The following PCCA variants were observed in gnomAD, a reference collection of about 807,000 sequenced individuals.
The protein encoded by PCCA is propionyl-CoA carboxylase alpha chain, mitochondrial.
PCCA carries 74 observed loss-of-function variants against 101.3 expected under a neutral mutation model. The ratio of observed to expected loss-of-function variants is 0.73; its 90% CI spans 0.61 to 0.89. PCCA has a LOEUF of 0.89. PCCA is among the 40% of genes least tolerant of loss of function. The pLI is 0.00. For missense variants in PCCA, 891 were observed against 907.0 expected (o/e 0.98, Z 0.23); for synonymous variants, 294 against 313.6 (o/e 0.94, Z 0.66).
chr13:100,241,421 C>T (rs1277021688), intron 8 of PCCA, among the ~76,000 whole-genome samples: 1 of 152,080 alleles, frequency 6.6e-6, no homozygotes, highest in Non-Finnish European at 1.5e-5. Flanking sequence ...TACCGTTTAT[C>T]CCTTTTTACG....
At chr13:100,182,921 A>T (rs2056930765) in intron 6 of PCCA, among the ~76,000 whole-genome samples, 1 of 152,150 alleles carries the variant, frequency 6.6e-6, no homozygotes, top group Admixed American at 6.5e-5. Flanking sequence ...TCTTTTGCTG[A>T]GTTTGGGAAA....
intron 22 of PCCA, among the ~76,000 whole-genome samples, chr13:100,519,829 C>A (rs2087101342): frequency 6.6e-6 from 1 of 152,278 alleles, no homozygotes; most frequent in Non-Finnish European, 1.5e-5. Context: ...CGGGTGTTTG[C>A]CTGGCATCGC....
intron 19 of PCCA, among the ~76,000 whole-genome samples, chr13:100,416,680 A>G (rs1369348234): frequency 6.6e-6 from 1 of 151,416 alleles, no homozygotes; most frequent in Non-Finnish European, 1.5e-5. Flanking sequence ...ACTCGCCACC[A>G]CGCCCAACTA....
chr13:100,286,107 C>T (rs765884232), intron 12 of PCCA, among the ~76,000 whole-genome samples: 5 of 152,162 alleles, frequency 3.3e-5, no homozygotes, highest in African/African-American at 1.2e-4. Flanking sequence ...AGGCCATTAA[C>T]TACGCTGCCT....
intron 19 of PCCA, among the ~76,000 whole-genome samples, chr13:100,420,533 C>T (rs1476998406): frequency 1.3e-5 from 2 of 152,076 alleles, no homozygotes; most frequent in Admixed American, 1.3e-4. Flanking sequence ...GAGCCATGAT[C>T]ATGCCACTGC....
At chr13:100,479,129 CT>C (rs1399793557) in intron 21 of PCCA, among the ~76,000 whole-genome samples, 1 of 152,174 alleles carries the variant, frequency 6.6e-6, no homozygotes, top group Non-Finnish European at 1.5e-5. Flanking sequence ...AGGTAAAGCC[CT>C]TTATATACTG....
At chr13:100,208,101 A>G (rs1460728858) in intron 6 of PCCA, among the ~76,000 whole-genome samples, 4 of 152,092 alleles carry the variant, frequency 2.6e-5, no homozygotes, top group African/African-American at 9.7e-5. Context: ...TGAATACTTG[A>G]CTATTGCAGA....
At chr13:100,431,599 G>T (rs879774841) in intron 20 of PCCA, among the ~76,000 whole-genome samples, 5 of 152,178 alleles carry the variant, frequency 3.3e-5, no homozygotes, top group Non-Finnish European at 7.4e-5. Context: ...GGTATGAGTG[G>T]CTCACGCCTG....
intron 21 of PCCA, among the ~76,000 whole-genome samples, chr13:100,456,937 G>C (rs6491558): frequency 0.1 from 15,749 of 151,670 alleles, 1,366 homozygotes; most frequent in African/African-American, 0.24. Context: ...ACTCCTCCAA[G>C]GAAAAGAGAC....
chr13:100,383,043 C>G (rs1193277796), intron 19 of PCCA, among the ~76,000 whole-genome samples: 1 of 151,860 alleles, frequency 6.6e-6, no homozygotes, highest in Non-Finnish European at 1.5e-5. Flanking sequence ...GAACTTGCCT[C>G]AAAATTATTG....
chr13:100,376,242 T>C (rs1295606132), intron 19 of PCCA, among the ~76,000 whole-genome samples: 2 of 152,206 alleles, frequency 1.3e-5, no homozygotes, highest in African/African-American at 4.8e-5. Context: ...GAGGGGCACC[T>C]GCCAGATGCC....
At chr13:100,149,445 T>C (rs989377063) in intron 4 of PCCA, 1 of 152,222 alleles carries the variant, frequency 6.6e-6, no homozygotes, top group Non-Finnish European at 1.5e-5. Flanking sequence ...TCTGTACCCA[T>C]TTAACAGTAA....
intron 18 of PCCA, among the ~76,000 whole-genome samples, chr13:100,347,136 A>C (rs1390994223): frequency 6.6e-6 from 1 of 152,154 alleles, no homozygotes; most frequent in Admixed American, 6.5e-5. Context: ...CGGCCATCCA[A>C]AGTGCTGGGT....
chr13:100,217,443 CAA>C (rs61099971), intron 7 of PCCA, among the ~76,000 whole-genome samples: 19 of 135,084 alleles, frequency 1.4e-4, no homozygotes, highest in African/African-American at 5.2e-4. Context: ...GACTCCATCT[CAA>C]AAAAAAAAAA....
At chr13:100,425,144 A>G (rs1449800606) in intron 19 of PCCA, among the ~76,000 whole-genome samples, 1 of 152,150 alleles carries the variant, frequency 6.6e-6, no homozygotes, top group African/African-American at 2.4e-5. Flanking sequence ...GTTTGAATGG[A>G]CTTTTGATAT....
In PCCA at chr13:100,187,438, C is replaced by T. The variant is rs373874147; in HGVS notation, c.469-21894C>T. On this transcript the variant is annotated intron_variant, in intron 6 of 23. Coordinates refer to ENST00000376285, the MANE Select transcript of PCCA (RefSeq NM_000282.4). The stretch of plus-strand genomic sequence containing the variant: ...ATGCTATTTTTAGTCTGTTCACTTT[C>T]ATCAAGCTGACCACAAGGTGGGGAA... Among the ~76,000 whole-genome samples, 149 of 152,214 alleles carry T rather than the reference C, an allele frequency of 9.8e-4. 4 individuals are homozygous for T. The South Asian group carries it at 0.028, about 29-fold the overall frequency.
intron 12 of PCCA, among the ~76,000 whole-genome samples, chr13:100,298,198 T>C (rs1000160): frequency 0.46 from 70,570 of 151,818 alleles, 16,501 homozygotes; most frequent in Middle Eastern, 0.54. Flanking sequence ...GGGAATTCCA[T>C]TTTGTATTTT....
intron 7 of PCCA, 129 bp downstream of exon 7, chr13:100,209,592 A>C: frequency 1.4e-6 from 1 of 701,254 alleles, no homozygotes; most frequent in Non-Finnish European, 2.6e-6. Flanking sequence ...ACGCACATAC[A>C]TACATGTATA....
intron 6 of PCCA, among the ~76,000 whole-genome samples, chr13:100,201,734 G>A (rs1249422326): frequency 2.6e-5 from 4 of 151,808 alleles, no homozygotes; most frequent in Admixed American, 2.0e-4. Context: ...GTGCATGCCT[G>A]TAATCCCAGC....
Sources: gnomAD v4.1 joint callset for allele counts (sites outside exome capture counted in the v4.1 genomes callset) on GRCh38, gnomAD v4.1.1 for gene constraint, MANE v1.5 for transcripts, NCBI Gene and HGNC (gene_info 2026-07-23, HGNC 2026-07-21) for gene names.